Variants in TTC28 observed in about 807,000 individuals in gnomAD.
The protein encoded by TTC28 is tetratricopeptide repeat protein 28.
TTC28 carries 61 observed loss-of-function variants against 198.0 expected under a neutral mutation model. That is an observed-to-expected ratio of 0.31 (90% CI 0.25 to 0.38). The LOEUF is 0.38. Among genes scored for constraint, TTC28 ranks in the 10% least tolerant of loss-of-function variants. TTC28 has a pLI of 1.00. For missense variants in TTC28, 2,678 were observed against 3,164.0 expected, an observed-to-expected ratio of 0.85 and a Z score of 3.69; for synonymous variants, 1,171 against 1,297.8, an observed-to-expected ratio of 0.90 and a Z score of 2.10.
At chr22:28,012,022 A>T (rs1938184885) in intron 14 of TTC28, among the ~76,000 whole-genome samples, 1 of 152,246 alleles carries the variant, frequency 6.6e-6, no homozygotes, top group Admixed American at 6.5e-5. Context: ...TAAAGAATGG[A>T]GAGTCCAAAT....
chr22:28,306,498 C>G lies in TTC28; in HGVS notation c.527G>C (p.Arg176Thr). 6.5e-7 allele frequency: 1 copy of G among 1,550,104 alleles called. No homozygotes were observed. Among genetic ancestry groups the G allele is most frequent in the Non-Finnish European group, 8.7e-7 (1 of 1,146,562 alleles). ...MVEAAMKSPM[R>T]DSLEPTYQQL... ...CCAAGTACTTTTATCATATTTACCTCTCATGGGAGATTTCATGGCGGCTTC... is the reference window on the plus strand; with the variant it reads ...CCAAGTACTTTTATCATATTTACCTGTCATGGGAGATTTCATGGCGGCTTC... Residue 176 changes from arginine (R) to threonine (T), a missense_variant and splice_region_variant, in exon 3 of 23, where the codon AGA becomes ACA. Arg to Thr is a moderately conservative substitution (Grantham distance 71, BLOSUM62 -1). Coordinates refer to ENST00000397906, the MANE Select transcript of TTC28 (RefSeq NM_001145418.2).
At chr22:28,131,369 T>C (rs952225145) in intron 6 of TTC28, among the ~76,000 whole-genome samples, 1 of 152,184 alleles carries the variant, frequency 6.6e-6, no homozygotes, top group African/African-American at 2.4e-5. Flanking sequence ...TAAATCAAAA[T>C]GGTCATTTTG....
intron 2 of TTC28, among the ~76,000 whole-genome samples, chr22:28,532,587 T>A (rs1241920921): frequency 6.6e-6 from 1 of 152,146 alleles, no homozygotes; most frequent in Non-Finnish European, 1.5e-5. Context: ...TACCAAAGCC[T>A]GGCAGAGACA....
intron 12 of TTC28, among the ~76,000 whole-genome samples, chr22:28,066,497 C>G (rs1940760464): frequency 6.6e-6 from 1 of 152,100 alleles, no homozygotes; most frequent in Non-Finnish European, 1.5e-5. Flanking sequence ...TCCCCCACCC[C>G]CAAACCTCTG....
intron 2 of TTC28, among the ~76,000 whole-genome samples, chr22:28,437,505 G>A (rs1394140663): frequency 6.6e-6 from 1 of 152,200 alleles, no homozygotes; most frequent in Non-Finnish European, 1.5e-5. Flanking sequence ...CAACTTTGGA[G>A]AACATTTACT....
At chr22:28,073,101 G>A (rs1349761180) in intron 12 of TTC28, among the ~76,000 whole-genome samples, 1 of 152,122 alleles carries the variant, frequency 6.6e-6, no homozygotes, top group African/African-American at 2.4e-5. Context: ...ATCAAACAGA[G>A]GTTAGTGACT....
intron 6 of TTC28, among the ~76,000 whole-genome samples, chr22:28,148,375 A>G (rs1943521970): frequency 6.6e-6 from 1 of 152,194 alleles, no homozygotes; most frequent in Non-Finnish European, 1.5e-5. Context: ...GCACTTTGGG[A>G]GGCCAAGGCA....
chr22:28,279,564 G>A (rs990281647), intron 5 of TTC28, among the ~76,000 whole-genome samples: 1 of 152,072 alleles, frequency 6.6e-6, no homozygotes, highest in African/African-American at 2.4e-5. Context: ...TAGAGACAGG[G>A]TTTCACCATG....
At chr22:28,573,155 T>A (rs895024096) in intron 2 of TTC28, among the ~76,000 whole-genome samples, 15 of 145,638 alleles carry the variant, frequency 1.0e-4, no homozygotes, top group Non-Finnish European at 1.8e-4. Flanking sequence ...GGGAAATTAA[T>A]CTTATAAAAA....
intron 14 of TTC28, among the ~76,000 whole-genome samples, chr22:28,013,417 C>A (rs1015921557): frequency 1.6e-4 from 24 of 152,204 alleles, no homozygotes; most frequent in African/African-American, 5.3e-4. Flanking sequence ...AGTCAGAGGG[C>A]TGTGTTTGAA....
At chr22:28,032,207 T>A (rs933154082) in intron 12 of TTC28, among the ~76,000 whole-genome samples, 24 of 125,816 alleles carry the variant, frequency 1.9e-4, no homozygotes, top group Admixed American at 6.7e-4. Flanking sequence ...ATATATAAAA[T>A]ATATATATAT....
chr22:28,318,177 T>C (rs771007075), intron 2 of TTC28, among the ~76,000 whole-genome samples: 2 of 151,888 alleles, frequency 1.3e-5, no homozygotes, highest in Admixed American at 1.3e-4. Context: ...CCCACAGTGC[T>C]GAGATGAGAG....
At chr22:28,027,224 C>T (rs1253244801) in intron 13 of TTC28, among the ~76,000 whole-genome samples, 2 of 152,214 alleles carry the variant, frequency 1.3e-5, no homozygotes, top group Non-Finnish European at 2.9e-5. Flanking sequence ...TCCTCCGCGT[C>T]ACTCCCAAAG....
chr22:28,146,508 A>T (rs1005542119), intron 6 of TTC28, among the ~76,000 whole-genome samples: 7 of 152,238 alleles, frequency 4.6e-5, no homozygotes, highest in African/African-American at 1.7e-4. Context: ...GGAGAATGCC[A>T]TCTGTTTTGT....
chr22:28,332,061 G>A (rs541804021), intron 2 of TTC28, among the ~76,000 whole-genome samples: 1 of 152,202 alleles, frequency 6.6e-6, no homozygotes, highest in Admixed American at 6.5e-5. Flanking sequence ...CTACAGAGAA[G>A]TAGCTCTGAT....
At chr22:28,381,755 G>C (rs1257110069) in intron 2 of TTC28, among the ~76,000 whole-genome samples, 1 of 152,144 alleles carries the variant, frequency 6.6e-6, no homozygotes, top group East Asian at 1.9e-4. Context: ...TTGGTAACCA[G>C]ATGTTAATAC....
chr22:28,020,481 G>C (rs559831725), intron 13 of TTC28, among the ~76,000 whole-genome samples: 1 of 152,334 alleles, frequency 6.6e-6, no homozygotes, highest in South Asian at 2.1e-4. Context: ...GGGGCAGAGG[G>C]GTCAGGGGCG....
intron 2 of TTC28, among the ~76,000 whole-genome samples, chr22:28,499,201 T>C (rs1233861435): frequency 6.6e-6 from 1 of 152,130 alleles, no homozygotes; most frequent in East Asian, 1.9e-4. Flanking sequence ...AATATATTTA[T>C]TCAATACATG....
At chr22:28,208,345 T>C (rs749136834) in intron 5 of TTC28, among the ~76,000 whole-genome samples, 15 of 152,164 alleles carry the variant, frequency 9.9e-5, no homozygotes, top group Non-Finnish European at 1.6e-4. Flanking sequence ...TTCATCCATA[T>C]AGTATGCAAC....
Sources: gnomAD v4.1 joint callset for allele counts (sites outside exome capture counted in the v4.1 genomes callset) on GRCh38, gnomAD v4.1.1 for gene constraint, MANE v1.5 for transcripts, NCBI Gene and HGNC (gene_info 2026-07-23, HGNC 2026-07-21) for gene names.